Variants in PCDHA2 observed in about 807,000 individuals in gnomAD.
PCDHA2 encodes protocadherin alpha-2.
Under a neutral mutation model 66.0 loss-of-function variants are expected in PCDHA2, and 58 were observed. That is an observed-to-expected ratio of 0.88 (90% CI 0.71 to 1.09). PCDHA2 has a LOEUF of 1.09. Ranked by LOEUF, PCDHA2 falls within the 50% of genes least tolerant of loss-of-function variation. PCDHA2 has a pLI of 0.00. For missense variants in PCDHA2, 1,267 were observed against 1,242.3 expected, an observed-to-expected ratio of 1.02 and a Z score of -0.30; for synonymous variants, 634 against 554.0, an observed-to-expected ratio of 1.14 and a Z score of -2.03.
At chr5:140,872,211 T>C (rs2053549148) in intron 1 of PCDHA2, among the ~76,000 whole-genome samples, 1 of 152,218 alleles carries the variant, frequency 6.6e-6, no homozygotes, top group South Asian at 2.1e-4. Flanking sequence ...ATTCATTATA[T>C]ATGAAACAAT....
At chr5:140,934,957 G>A (rs2090122349) in intron 1 of PCDHA2, among the ~76,000 whole-genome samples, 1 of 152,250 alleles carries the variant, frequency 6.6e-6, no homozygotes, top group Non-Finnish European at 1.5e-5. Context: ...GATCCCATGT[G>A]CTTGTCACCC....
Position 140,819,440 on chromosome 5 carries a change from A to T in PCDHA2, c.2388+22088A>T, listed in dbSNP as rs2150104252. On this transcript the variant is annotated intron_variant, in intron 1 of 3. Coordinates refer to ENST00000526136, the MANE Select transcript of PCDHA2 (RefSeq NM_018905.3). The stretch of plus-strand genomic sequence containing the variant: ...ATATACTACACAGTTTTAAATCTAA[A>T]TTTTTTTCTCAAGGAAGAACTTCTG... 7.2e-5 allele frequency among the ~76,000 whole-genome samples: 11 copies of T among 152,254 alleles called. No homozygotes were observed. The South Asian group carries it at 2.1e-3, about 29-fold the overall frequency.
Position 140,870,112 on chromosome 5 carries a change from G to T in PCDHA2, c.2388+72760G>T, listed in dbSNP as rs781902121. ...AATGGCAGGTCACTGTACAGTCTGG[G>T]TGGAAATCTTGGACACCAACGATAA... On this transcript the variant is annotated intron_variant, in intron 1 of 3. Transcript: ENST00000526136. 2 of 1,613,938 alleles carry T rather than the reference G, an allele frequency of 1.2e-6. No homozygotes were observed. The highest frequency in any genetic ancestry group is 2.2e-5 in the South Asian group (2 of 91,080).
At chr5:140,972,101 A>C (rs114554334) in intron 1 of PCDHA2, among the ~76,000 whole-genome samples, 3,080 of 152,290 alleles carry the variant, frequency 0.02, 42 homozygotes, top group Middle Eastern at 0.075. Flanking sequence ...CTGGCATAGA[A>C]GCAGGTAACA....
chr5:140,861,421 T>C, intron 1 of PCDHA2: 2 of 481,940 alleles, frequency 4.1e-6, no homozygotes, highest in South Asian at 3.2e-5. Context: ...CCGCGCCTGT[T>C]TCAGTTGGAT....
intron 1 of PCDHA2, among the ~76,000 whole-genome samples, chr5:140,963,630 C>T (rs1370293911): frequency 3.3e-5 from 5 of 152,140 alleles, no homozygotes; most frequent in African/African-American, 1.2e-4. Flanking sequence ...TTGTTGCATA[C>T]GCATCTTCCC....
At chr5:140,882,989 G>A (rs567590369) in intron 1 of PCDHA2, 3 of 1,614,130 alleles carry the variant, frequency 1.9e-6, no homozygotes, top group African/African-American at 1.3e-5. Context: ...CAACGCCCCG[G>A]AATTTTACCA....
chr5:140,869,103 G>A, intron 1 of PCDHA2: 1 of 1,600,312 alleles, frequency 6.2e-7, no homozygotes, highest in Non-Finnish European at 8.5e-7. Context: ...TTTCGTATGC[G>A]ATGTTTGGTT....
At chr5:140,973,886 T>C (rs887432391) in intron 1 of PCDHA2, among the ~76,000 whole-genome samples, 2 of 152,242 alleles carry the variant, frequency 1.3e-5, no homozygotes, top group African/African-American at 4.8e-5. Flanking sequence ...TAATGTCAAT[T>C]TGCAAATGTT....
chr5:140,826,711 G>T (rs1554130645), intron 1 of PCDHA2, among the ~76,000 whole-genome samples: 1 of 152,172 alleles, frequency 6.6e-6, no homozygotes, highest in Non-Finnish European at 1.5e-5. Context: ...GTGGTATTGA[G>T]AAAGAGGAAG....
chr5:140,874,803 A>G (rs536331240), intron 1 of PCDHA2, among the ~76,000 whole-genome samples: 1 of 152,378 alleles, frequency 6.6e-6, no homozygotes, highest in East Asian at 1.9e-4. Flanking sequence ...AGATTTATGA[A>G]TAAGACAATT....
At chr5:140,883,376 G>C in intron 1 of PCDHA2, 1 of 1,614,116 alleles carries the variant, frequency 6.2e-7, no homozygotes, top group Non-Finnish European at 8.5e-7. Context: ...CGCCATTATT[G>C]CCCTAATCAG....
chr5:140,857,445 A>G lies in PCDHA2; in HGVS notation c.2388+60093A>G, dbSNP rs144782261. The G allele has an allele frequency of 8.5e-5, 136 of 1,598,262 alleles. 10 individuals carry two copies. Among genetic ancestry groups the G allele is most frequent in the Non-Finnish European group, 1.1e-4 (128 of 1,167,832 alleles). ...GAGTACACGGTGTTCGTGAAGGAGA[A>G]CAACCCGCCAGGCTGCCACATCTTC... On this transcript the variant is annotated intron_variant, in intron 1 of 3. Transcript: ENST00000526136.
intron 1 of PCDHA2, chr5:140,836,148 C>A: frequency 6.2e-7 from 1 of 1,613,764 alleles, no homozygotes; most frequent in Non-Finnish European, 8.5e-7. Flanking sequence ...GGGCGCGGGC[C>A]ATGTGGTGGC....
intron 1 of PCDHA2, among the ~76,000 whole-genome samples, chr5:140,933,130 A>G (rs2088870055): frequency 6.6e-6 from 1 of 151,994 alleles, no homozygotes; most frequent in Non-Finnish European, 1.5e-5. Context: ...CTAAATAATA[A>G]AGGTAGATAG....
chr5:140,803,182 C>A, intron 1 of PCDHA2: 2 of 1,613,918 alleles, frequency 1.2e-6, no homozygotes, highest in Middle Eastern at 1.6e-4. Context: ...TTGACCGCCA[C>A]GGCCACTGTG....
intron 1 of PCDHA2, chr5:140,871,107 G>A (rs1554165128): frequency 1.2e-6 from 2 of 1,613,306 alleles, no homozygotes; most frequent in Admixed American, 1.7e-5. Flanking sequence ...TGGTGTCGTT[G>A]GTGGAGAGCG....
In PCDHA2 at chr5:140,876,987, G is replaced by C. The variant is rs782251799; in HGVS notation, c.2388+79635G>C. 11 of 1,612,658 alleles carry C rather than the reference G, an allele frequency of 6.8e-6. No homozygotes were observed. The South Asian group carries it at 9.9e-5, about 14-fold the overall frequency. ...GGCGGGTGGGCGAGCACGCACTGTC[G>C]AGCTACGTGTCGGTGCACGCGGAGA... On this transcript the variant is annotated intron_variant, in intron 1 of 3. Coordinates refer to ENST00000526136, the MANE Select transcript of PCDHA2 (RefSeq NM_018905.3).
chr5:140,849,857 G>C (rs781928576), intron 1 of PCDHA2: 1 of 1,598,626 alleles, frequency 6.3e-7, no homozygotes, highest in Non-Finnish European at 8.6e-7. Context: ...ACGCACCAGC[G>C]TTCGCGCAGT....
Sources: gnomAD v4.1 joint callset for allele counts (sites outside exome capture counted in the v4.1 genomes callset) on GRCh38, gnomAD v4.1.1 for gene constraint, MANE v1.5 for transcripts, NCBI Gene and HGNC (gene_info 2026-07-23, HGNC 2026-07-21) for gene names.